The following NID2 variants were observed in gnomAD, a reference collection of about 807,000 sequenced individuals.
The protein encoded by NID2 is nidogen 2.
A neutral mutation model predicts 145.4 loss-of-function variants in NID2; 83 were observed. The observed-to-expected ratio is 0.57, with a 90% CI of 0.48 to 0.69. The LOEUF is 0.69. Among genes scored for constraint, NID2 ranks in the 30% least tolerant of loss-of-function variants. The probability of loss-of-function intolerance (pLI) is 0.00; values close to 1 mark genes in which losing one functional copy is unlikely to be tolerated. For missense variants in NID2, 1,807 were observed against 1,765.7 expected, an observed-to-expected ratio of 1.02 and a Z score of -0.42; for synonymous variants, 739 against 701.3, an observed-to-expected ratio of 1.05 and a Z score of -0.85.
At chr14:52,017,324 T>C (rs1891243118) in intron 14 of NID2, among the ~76,000 whole-genome samples, 1 of 152,148 alleles carries the variant, frequency 6.6e-6, no homozygotes. Flanking sequence ...GTGCTTCTGG[T>C]TGGCAAGGGT....
At chr14:52,050,862 G>A (rs1241454782) in intron 5 of NID2, among the ~76,000 whole-genome samples, 4 of 152,198 alleles carry the variant, frequency 2.6e-5, no homozygotes, top group Admixed American at 1.3e-4. Flanking sequence ...AGGACTAACT[G>A]TGATAATGCA....
chr14:52,049,548 AACT>A (rs1892619230), intron 5 of NID2, among the ~76,000 whole-genome samples: 1 of 149,294 alleles, frequency 6.7e-6, no homozygotes, highest in African/African-American at 2.5e-5. Context: ...CAGCTGGAGC[AACT>A]ACTAACAATT....
chr14:52,005,611 A>G (rs1330806367), intron 21 of NID2, 115 bp from the exon 22 acceptor site: 2 of 1,443,838 alleles, frequency 1.4e-6, no homozygotes, highest in Non-Finnish European at 1.9e-6. Flanking sequence ...GGTAGTAAAG[A>G]CTGGCCCTCA....
chr14:52,060,455 T>C (rs1216092722), intron 2 of NID2, 99 bp from the exon 3 acceptor site: 3 of 649,050 alleles, frequency 4.6e-6, no homozygotes, highest in Non-Finnish European at 7.2e-6. Flanking sequence ...CAAAGCATCA[T>C]AACGTGCAAA....
At chr14:52,062,416 C>A (rs1364227768) in intron 2 of NID2, among the ~76,000 whole-genome samples, 2 of 152,166 alleles carry the variant, frequency 1.3e-5, no homozygotes, top group Non-Finnish European at 2.9e-5. Flanking sequence ...TACTAGGAAG[C>A]CACAACTACT....
At chr14:52,062,842 C>T (rs1249269568) in intron 2 of NID2, among the ~76,000 whole-genome samples, 4 of 152,116 alleles carry the variant, frequency 2.6e-5, no homozygotes, top group Middle Eastern at 3.2e-3. Context: ...AACCAGCCAA[C>T]AAATTCATTT....
At chr14:52,030,144 G>A (rs1392024296) in intron 9 of NID2, among the ~76,000 whole-genome samples, 1 of 152,022 alleles carries the variant, frequency 6.6e-6, no homozygotes, top group African/African-American at 2.4e-5. Context: ...CCAACTTCCT[G>A]GTTCTAAATC....
At chr14:52,049,915 T>C (rs905762315) in intron 5 of NID2, among the ~76,000 whole-genome samples, 1 of 152,178 alleles carries the variant, frequency 6.6e-6, no homozygotes, top group African/African-American at 2.4e-5. Context: ...ACAGACCCTC[T>C]GCAACCTGGA....
At chr14:52,009,277 C>T (rs574087771) in intron 18 of NID2, 19 of 152,268 alleles carry the variant, frequency 1.2e-4, no homozygotes, top group African/African-American at 4.6e-4. Flanking sequence ...TGATCAGTCT[C>T]CTCCCCAAAA....
intron 9 of NID2, among the ~76,000 whole-genome samples, chr14:52,033,699 T>C (rs1022370800): frequency 1.3e-5 from 2 of 152,162 alleles, no homozygotes; most frequent in Non-Finnish European, 2.9e-5. Context: ...AACTTTTGGG[T>C]GTTTCTTTTT....
At chr14:52,045,511 C>G (rs1483996606) in intron 5 of NID2, among the ~76,000 whole-genome samples, 1 of 138,056 alleles carries the variant, frequency 7.2e-6, no homozygotes, top group African/African-American at 2.7e-5. Flanking sequence ...AAGAAAGTGA[C>G]AAGCTTAACT....
At chr14:52,024,814 T>C (rs1891531861) in intron 12 of NID2, among the ~76,000 whole-genome samples, 1 of 151,862 alleles carries the variant, frequency 6.6e-6, no homozygotes, top group Non-Finnish European at 1.5e-5. Flanking sequence ...AAATTCCCAA[T>C]ATGGAAAAGT....
At position 52,068,989 on chromosome 14, in the gene NID2, C is replaced by A. The variant is rs754487682; in HGVS notation, c.6G>T (p.Glu2Asp). M[E>D]GDRVAGRPVL... is the part of the protein sequence containing the mutation. ...CCGGCCGCCCGGCCACCCGGTCCCC[C>A]TCCATGCTCGCTCGGCCGTGCGCTT... The change falls in exon 1 of 22, where the codon GAG becomes GAT. Residue 2 changes from glutamate to aspartate, a missense_variant. Physicochemically the swap from Glu to Asp is conservative, Grantham distance 45. Transcript: ENST00000216286. 6.2e-7 allele frequency: 1 copy of A among 1,609,620 alleles called. No individual in the cohort carries two copies. Among genetic ancestry groups the A allele is most frequent in the Non-Finnish European group, 8.5e-7 (1 of 1,178,300 alleles).
intron 16 of NID2, among the ~76,000 whole-genome samples, chr14:52,013,853 G>A (rs1891116659): frequency 6.6e-6 from 1 of 152,192 alleles, no homozygotes; most frequent in Admixed American, 6.5e-5. Flanking sequence ...GTCATTAACT[G>A]ACTTCCACTT....
intron 1 of NID2, 105 bp downstream of exon 1, chr14:52,068,662 C>G: frequency 1.0e-6 from 1 of 998,914 alleles, no homozygotes; most frequent in Non-Finnish European, 1.5e-6. Flanking sequence ...TGCTGGGGGG[C>G]TCCAGGAGTG....
chr14:52,029,470 T>A, intron 10 of NID2, 77 bp downstream of exon 10: 2 of 1,421,434 alleles, frequency 1.4e-6, no homozygotes, highest in South Asian at 2.6e-5. Context: ...GATACTTGTC[T>A]TCTACAGACA....
chr14:52,035,237 C>T (rs977361165), intron 9 of NID2, among the ~76,000 whole-genome samples: 13 of 152,174 alleles, frequency 8.5e-5, no homozygotes, highest in African/African-American at 3.1e-4. Flanking sequence ...AATAGTTTCA[C>T]TGCCCTAAAA....
At chr14:52,051,793 T>G (rs1220739353) in intron 5 of NID2, among the ~76,000 whole-genome samples, 1 of 152,252 alleles carries the variant, frequency 6.6e-6, no homozygotes, top group African/African-American at 2.4e-5. Context: ...ACCAGCTTTT[T>G]CACAGGCGTT....
chr14:52,011,162 G>A (rs1891003842), intron 17 of NID2, 115 bp from the exon 18 acceptor site: 3 of 896,858 alleles, frequency 3.3e-6, no homozygotes, highest in African/African-American at 3.4e-5. Flanking sequence ...AAGCCCAAGT[G>A]TCTCCAAGTC....
Sources: allele counts gnomAD v4.1 joint callset (sites outside exome capture counted in the v4.1 genomes callset), GRCh38; gene constraint gnomAD v4.1.1; transcripts MANE v1.5; gene names NCBI Gene and HGNC (gene_info 2026-07-23, HGNC 2026-07-21).